The following PPM1L variants were observed in gnomAD, a reference collection of about 807,000 sequenced individuals.
PPM1L encodes protein phosphatase, Mg2+/Mn2+ dependent 1L, also known as protein phosphatase 1L.
Under a neutral mutation model 31.4 loss-of-function variants are expected in PPM1L, and 13 were observed. That is an observed-to-expected ratio of 0.41 (90% CI 0.27 to 0.66). PPM1L has a LOEUF of 0.66. PPM1L is among the 30% of genes least tolerant of loss of function. PPM1L has a pLI of 0.29. For synonymous variants in PPM1L, 184 were observed against 175.4 expected, an observed-to-expected ratio of 1.05 and a Z score of -0.39; for missense variants, 326 against 453.7, an observed-to-expected ratio of 0.72 and a Z score of 2.56.
chr3:160,950,584 C>G (rs1410516808), intron 1 of PPM1L, among the ~76,000 whole-genome samples: 2 of 152,192 alleles, frequency 1.3e-5, no homozygotes, highest in Non-Finnish European at 2.9e-5. Context: ...CCTGGCCACA[C>G]CTGCCTCCTG....
intron 1 of PPM1L, among the ~76,000 whole-genome samples, chr3:160,818,650 C>G (rs1576653008): frequency 6.6e-6 from 1 of 151,970 alleles, no homozygotes; most frequent in South Asian, 2.1e-4. Flanking sequence ...TTCCCACTTT[C>G]ATTGGTCTTG....
At position 161,073,111 on chromosome 3, in the gene PPM1L, A is replaced by C. The variant is rs901219366; in HGVS notation, c.*3954A>C. On this transcript the variant is annotated 3_prime_UTR_variant, in exon 4 of 4. Transcript: ENST00000498165. ...GTGTTCCAAAGAACACAAGTTCCAA[A>C]GATGCTCTTCTAAATATAGGATTCT... The C allele has an allele frequency of 6.6e-6, 1 of 152,232 alleles. No individual in the cohort carries two copies. Among genetic ancestry groups the C allele is most frequent in the African/African-American group, 2.4e-5 (1 of 41,470 alleles). 9.4% of individuals were successfully genotyped at this position (152,232 alleles called of 1,614,324 possible).
intron 2 of PPM1L, among the ~76,000 whole-genome samples, chr3:161,035,428 T>C (rs1413647833): frequency 6.6e-6 from 1 of 152,228 alleles, no homozygotes; most frequent in African/African-American, 2.4e-5. Context: ...AACCATTGCT[T>C]CTAATTCTTT....
chr3:160,941,144 G>A (rs923717146), intron 1 of PPM1L, among the ~76,000 whole-genome samples: 2 of 152,134 alleles, frequency 1.3e-5, no homozygotes, highest in African/African-American at 4.8e-5. Flanking sequence ...TGGAATGACT[G>A]TATTTACCCA....
At chr3:160,883,495 A>T (rs761136286) in intron 1 of PPM1L, among the ~76,000 whole-genome samples, 2 of 152,078 alleles carry the variant, frequency 1.3e-5, no homozygotes, top group Non-Finnish European at 2.9e-5. Context: ...ATCCTGCATT[A>T]CTATTGTTTC....
At chr3:160,964,906 CA>C (rs1461820547) in intron 2 of PPM1L, among the ~76,000 whole-genome samples, 1 of 151,978 alleles carries the variant, frequency 6.6e-6, no homozygotes, top group Non-Finnish European at 1.5e-5. Flanking sequence ...TAAGAAAAAA[CA>C]TTACTATTTA....
intron 1 of PPM1L, among the ~76,000 whole-genome samples, chr3:160,887,654 C>T (rs1046616553): frequency 1.3e-5 from 2 of 150,528 alleles, no homozygotes; most frequent in African/African-American, 4.9e-5. Flanking sequence ...AATCTTGGCT[C>T]ACTGCAAGCT....
chr3:161,055,106 G>T (rs1719375018), intron 2 of PPM1L, among the ~76,000 whole-genome samples: 1 of 152,110 alleles, frequency 6.6e-6, no homozygotes, highest in Admixed American at 6.5e-5. Flanking sequence ...TGAAGTCAGA[G>T]CAGGGGGTAC....
intron 2 of PPM1L, among the ~76,000 whole-genome samples, chr3:160,970,445 A>ATTT (rs1491444648): frequency 6.0e-5 from 2 of 33,478 alleles, no homozygotes; most frequent in East Asian, 4.6e-4. Flanking sequence ...ACCAAGCTGA[A>ATTT]TATTTTTTTT....
At chr3:160,866,060 A>AG (rs1712074846) in intron 1 of PPM1L, among the ~76,000 whole-genome samples, 1 of 152,314 alleles carries the variant, frequency 6.6e-6, no homozygotes, top group African/African-American at 2.4e-5. Flanking sequence ...TTACTCAGTA[A>AG]GGCCTCTTAG....
At chr3:161,039,738 C>G (rs962310462) in intron 2 of PPM1L, among the ~76,000 whole-genome samples, 3 of 152,010 alleles carry the variant, frequency 2.0e-5, no homozygotes, top group African/African-American at 7.2e-5. Flanking sequence ...GGATGGTCTC[C>G]ATCTCCTGAC....
intron 1 of PPM1L, among the ~76,000 whole-genome samples, chr3:160,836,315 GAAGA>G (rs1025549340): frequency 6.7e-6 from 1 of 148,216 alleles, no homozygotes; most frequent in African/African-American, 2.6e-5. Flanking sequence ...GGAAGGAAAG[GAAGA>G]GAGAGAGAGA....
chr3:160,835,981 T>G (rs1713702709), intron 1 of PPM1L, among the ~76,000 whole-genome samples: 1 of 145,610 alleles, frequency 6.9e-6, no homozygotes, highest in South Asian at 2.2e-4. Flanking sequence ...TGACTTCTTA[T>G]CCTTCTCTGT....
At chr3:160,975,975 G>T (rs1716556588) in intron 2 of PPM1L, among the ~76,000 whole-genome samples, 1 of 146,748 alleles carries the variant, frequency 6.8e-6, no homozygotes, top group South Asian at 2.3e-4. Flanking sequence ...AATGCTTCCA[G>T]TTTTTGCCCA....
rs192108765 is a variant in PPM1L at position 160,865,066 on chromosome 3, T to G, written c.400-96670T>G. 4.6e-3 allele frequency among the ~76,000 whole-genome samples: 688 copies of G among 148,782 alleles called. 6 individuals carry two copies. The highest frequency in any genetic ancestry group is 0.016 in the African/African-American group (631 of 38,502). ...AAATTTAAAAATTCTATTATTTTTG[T>G]CCTGACTGTTAATTCGTTTCTAATG... is the stretch of plus-strand genomic sequence containing the variant. On this transcript the variant is annotated intron_variant, in intron 1 of 3. Coordinates refer to ENST00000498165, the MANE Select transcript of PPM1L (RefSeq NM_139245.4).
At position 161,072,056 on chromosome 3, in the gene PPM1L, G is replaced by A. The variant is rs1259459880; in HGVS notation, c.*2899G>A. On this transcript the variant is annotated 3_prime_UTR_variant, in exon 4 of 4. Transcript: ENST00000498165. The stretch of plus-strand genomic sequence containing the variant: ...AGACCCCAGCACGATGCCAGGCCCA[G>A]GTCTCCATTAATGCAGTGCTCTGCT... 6.6e-6 allele frequency: 1 copy of A among 152,170 alleles called. No individual in the cohort carries two copies. Among genetic ancestry groups the A allele is most frequent in the African/African-American group, 2.4e-5 (1 of 41,434 alleles). 9.4% of individuals were successfully genotyped at this position (152,170 alleles called of 1,614,324 possible).
intron 1 of PPM1L, among the ~76,000 whole-genome samples, chr3:160,845,440 G>T (rs1048677582): frequency 6.6e-6 from 1 of 151,876 alleles, no homozygotes; most frequent in African/African-American, 2.4e-5. Context: ...CATTCTTTGG[G>T]TTGTGTTTTC....
intron 2 of PPM1L, among the ~76,000 whole-genome samples, chr3:161,010,522 C>T (rs534517654): frequency 6.6e-6 from 1 of 152,272 alleles, no homozygotes; most frequent in East Asian, 1.9e-4. Flanking sequence ...GATTTATAAT[C>T]CTTTGGGTAT....
chr3:160,918,315 T>C (rs2108068892), intron 1 of PPM1L, among the ~76,000 whole-genome samples: 1 of 152,338 alleles, frequency 6.6e-6, no homozygotes, highest in South Asian at 2.1e-4. Context: ...AATTCTTAAA[T>C]AAAGGAATGG....
Sources: gnomAD v4.1 joint callset for allele counts (sites outside exome capture counted in the v4.1 genomes callset) on GRCh38, gnomAD v4.1.1 for gene constraint, MANE v1.5 for transcripts, NCBI Gene and HGNC (gene_info 2026-07-23, HGNC 2026-07-21) for gene names.